The following PBX1 variants were observed in gnomAD, a reference collection of about 807,000 sequenced individuals.
PBX1 encodes pre-B-cell leukemia transcription factor 1.
Under a neutral mutation model 53.4 loss-of-function variants are expected in PBX1, and 6 were observed. That is an observed-to-expected ratio of 0.11 (90% CI 0.06 to 0.22). The LOEUF is 0.22. Among genes scored for constraint, PBX1 ranks in the 10% least tolerant of loss-of-function variants. PBX1 has a pLI of 1.00. For synonymous variants in PBX1, 204 were observed against 212.3 expected (o/e 0.96, Z 0.34); for missense variants, 251 against 551.4 (o/e 0.46, Z 5.46).
At chr1:164,588,449 A>T (rs1655105197) in intron 2 of PBX1, among the ~76,000 whole-genome samples, 1 of 147,986 alleles carries the variant, frequency 6.8e-6, no homozygotes, top group Admixed American at 6.7e-5. Flanking sequence ...AAAAAGAGAA[A>T]AGAGAAATAC....
chr1:164,836,328 A>G (rs544672289), intron 8 of PBX1, among the ~76,000 whole-genome samples: 1 of 152,290 alleles, frequency 6.6e-6, no homozygotes, highest in African/African-American at 2.4e-5. Context: ...CTGAACCCAC[A>G]GTACAGCTGG....
intron 2 of PBX1, among the ~76,000 whole-genome samples, chr1:164,863,900 A>G (rs1442483623): frequency 1.3e-5 from 2 of 152,214 alleles, no homozygotes; most frequent in Non-Finnish European, 2.9e-5. Context: ...AGTAGTTCTC[A>G]GTAAGGAGCA....
chr1:164,562,462 C>T (rs1410191031), intron 1 of PBX1, among the ~76,000 whole-genome samples: 1 of 150,806 alleles, frequency 6.6e-6, no homozygotes, highest in Non-Finnish European at 1.5e-5. Flanking sequence ...TACACACACA[C>T]ACACACACAC....
chr1:164,804,020 T>C (rs577012939), intron 4 of PBX1, among the ~76,000 whole-genome samples: 1 of 152,330 alleles, frequency 6.6e-6, no homozygotes, highest in African/African-American at 2.4e-5. Flanking sequence ...TTATTACTGT[T>C]ATATGATATA....
chr1:164,880,771 G>A (rs1420194089), intron 2 of PBX1, among the ~76,000 whole-genome samples: 1 of 152,148 alleles, frequency 6.6e-6, no homozygotes, highest in Admixed American at 6.5e-5. Flanking sequence ...AGGATTATCA[G>A]TTCTGTACAT....
chr1:164,869,439 G>C (rs749381970), intron 2 of PBX1, among the ~76,000 whole-genome samples: 11 of 152,146 alleles, frequency 7.2e-5, no homozygotes, highest in Non-Finnish European at 1.3e-4. Context: ...ACAAAATATG[G>C]CTACATATCT....
intron 2 of PBX1, chr1:164,642,264 A>G (rs1418539100): frequency 6.8e-6 from 1 of 146,394 alleles, no homozygotes; most frequent in African/African-American, 2.8e-5. Context: ...TCTATTTGGT[A>G]GAGACTGAGT....
intron 2 of PBX1, among the ~76,000 whole-genome samples, chr1:164,766,404 ATT>A (rs1232806866): frequency 6.6e-6 from 1 of 152,136 alleles, no homozygotes; most frequent in Non-Finnish European, 1.5e-5. Flanking sequence ...TTCCATTATT[ATT>A]GTTATTAATC....
At chr1:164,589,225 G>T (rs577909773) in intron 2 of PBX1, among the ~76,000 whole-genome samples, 3 of 152,186 alleles carry the variant, frequency 2.0e-5, no homozygotes, top group Middle Eastern at 3.4e-3. Flanking sequence ...GAAGGAGGAG[G>T]GGGGCGCGGC....
chr1:164,821,457 G>A (rs1383048288), intron 7 of PBX1, 80 bp from the exon 8 acceptor site: 1 of 1,053,624 alleles, frequency 9.5e-7, no homozygotes, highest in African/African-American at 1.6e-5. Context: ...CCCAAATGGT[G>A]GCCTGCCTGA....
chr1:164,882,737 G>A (rs1236699096), intron 2 of PBX1, among the ~76,000 whole-genome samples: 3 of 152,166 alleles, frequency 2.0e-5, no homozygotes, highest in Non-Finnish European at 4.4e-5. Context: ...ACCATGCCCA[G>A]CCTCTGATGT....
At chr1:164,698,119 C>T (rs1571241212) in intron 2 of PBX1, among the ~76,000 whole-genome samples, 1 of 152,236 alleles carries the variant, frequency 6.6e-6, no homozygotes, top group East Asian at 1.9e-4. Flanking sequence ...TCTCCCAGGG[C>T]ACCGATTGTT....
chr1:164,881,681 G>A (rs975866336), intron 2 of PBX1, among the ~76,000 whole-genome samples: 2 of 148,832 alleles, frequency 1.3e-5, no homozygotes, highest in Non-Finnish European at 3.0e-5. Context: ...GAGCTAGGAA[G>A]TTCCAAAGAC....
chr1:164,858,444 C>A (rs1048621115), intron 2 of PBX1, among the ~76,000 whole-genome samples: 3 of 114,930 alleles, frequency 2.6e-5, no homozygotes, highest in African/African-American at 1.1e-4. Context: ...ACCCCCAGAG[C>A]CAGCACACAC....
intron 2 of PBX1, among the ~76,000 whole-genome samples, chr1:164,619,142 C>A (rs562295962): frequency 1.3e-5 from 2 of 152,244 alleles, no homozygotes; most frequent in South Asian, 4.2e-4. Context: ...GAAACCAGCT[C>A]TCTGCCACAC....
At chr1:164,735,217 T>C (rs1321838891) in intron 2 of PBX1, among the ~76,000 whole-genome samples, 1 of 152,380 alleles carries the variant, frequency 6.6e-6, no homozygotes, top group African/African-American at 2.4e-5. Flanking sequence ...CACTTGGCAT[T>C]GTAAGAATGT....
At chr1:164,803,441 T>G (rs1669184812) in intron 4 of PBX1, among the ~76,000 whole-genome samples, 1 of 152,218 alleles carries the variant, frequency 6.6e-6, no homozygotes, top group Non-Finnish European at 1.5e-5. Context: ...CTTGAGTGCT[T>G]ACTATATGCG....
chr1:164,616,521 G>A (rs1490621250), intron 2 of PBX1, among the ~76,000 whole-genome samples: 1 of 152,162 alleles, frequency 6.6e-6, no homozygotes, highest in Non-Finnish European at 1.5e-5. Flanking sequence ...GTTTCGGTTA[G>A]CTGAATCATA....
chr1:164,652,775 C>CGT, intron 2 of PBX1, among the ~76,000 whole-genome samples: 1 of 152,110 alleles, frequency 6.6e-6, no homozygotes, highest in Middle Eastern at 3.4e-3. Flanking sequence ...CTCATGTAAC[C>CGT]AACACCCCTT....
Sources: gnomAD v4.1 joint callset for allele counts (sites outside exome capture counted in the v4.1 genomes callset) on GRCh38, gnomAD v4.1.1 for gene constraint, MANE v1.5 for transcripts, NCBI Gene and HGNC (gene_info 2026-07-23, HGNC 2026-07-21) for gene names.